CYP51A1: variants seen among roughly 807,000 people sequenced by gnomAD.
CYP51A1 encodes the protein lanosterol 14-alpha demethylase.
In CYP51A1, 45 loss-of-function variants were observed where a neutral mutation model predicts 53.5. That is an observed-to-expected ratio of 0.84 (90% CI 0.66 to 1.08). The LOEUF (loss-of-function observed/expected upper bound fraction) is 1.08, where lower values mean the gene tolerates loss of function less well. Among genes scored for constraint, CYP51A1 ranks in the 50% least tolerant of loss-of-function variants. The pLI is 0.00. For synonymous variants in CYP51A1, 181 were observed against 217.7 expected (o/e 0.83, Z 1.48); for missense variants, 462 against 621.7 (o/e 0.74, Z 2.73).
At chr7:92,128,817 C>T (rs997778025) in intron 3 of CYP51A1, 63 bp downstream of exon 3, 1 of 1,357,628 alleles carries the variant, frequency 7.4e-7, no homozygotes, top group Non-Finnish European at 1.0e-6. Flanking sequence ...TATAATGTCT[C>T]ACTATTAGCT....
chr7:92,129,205 C>T, intron 2 of CYP51A1, 149 bp from the exon 3 acceptor site: 1 of 492,720 alleles, frequency 2.0e-6, no homozygotes, highest in Non-Finnish European at 3.5e-6. Context: ...CCATACTCCT[C>T]CTTCCTTTGT....
Position 92,113,459 on chromosome 7 carries a change from T to C in CYP51A1, c.*206A>G. 1.9e-6 allele frequency: 1 copy of C among 513,718 alleles called. No individual in the cohort carries two copies. The highest frequency in any genetic ancestry group is 3.4e-6 in the Non-Finnish European group (1 of 296,622). The allele number at this position is 513,718 out of a possible 1,614,324, so 31.8% of individuals were successfully genotyped here. A position where few individuals can be genotyped will look rare whatever the true frequency, so the allele number is the denominator to read the frequency against. On this transcript the variant is annotated 3_prime_UTR_variant, in exon 10 of 10. Coordinates refer to ENST00000003100, the MANE Select transcript of CYP51A1 (RefSeq NM_000786.4). The stretch of plus-strand genomic sequence containing the variant: ...AACTTCCTGAAAGCACATGTATAAG[T>C]ATCATAACTATTAGAAAATGTTTCA...
chr7:92,129,614 T>C (rs1819877844), intron 2 of CYP51A1, among the ~76,000 whole-genome samples: 1 of 152,222 alleles, frequency 6.6e-6, no homozygotes, highest in Admixed American at 6.5e-5. Flanking sequence ...TGTTAAATAC[T>C]TTCCCTTGCA....
chr7:92,114,432 CAG>C (rs1354633561), intron 9 of CYP51A1, among the ~76,000 whole-genome samples: 1 of 152,068 alleles, frequency 6.6e-6, no homozygotes, highest in Non-Finnish European at 1.5e-5. Flanking sequence ...AAAGATAAAA[CAG>C]AGTGGTACTA....
At chr7:92,116,991 G>C (rs1292795544) in intron 9 of CYP51A1, 53 bp downstream of exon 9, 4 of 1,501,772 alleles carry the variant, frequency 2.7e-6, no homozygotes, top group South Asian at 1.3e-5. Context: ...TTTTGACAGA[G>C]ACAAATATGT....
intron 5 of CYP51A1, among the ~76,000 whole-genome samples, chr7:92,125,100 T>G (rs546506179): frequency 7.2e-6 from 1 of 138,098 alleles, no homozygotes; most frequent in Non-Finnish European, 1.5e-5. Flanking sequence ...GCCGAGCTCA[T>G]GCCACTGCAC....
chr7:92,128,463 C>T lies in CYP51A1; in HGVS notation c.468+417G>A, dbSNP rs201680328. Among the ~76,000 whole-genome samples, 761 of 115,638 alleles carry T rather than the reference C, an allele frequency of 6.6e-3. 5 individuals are homozygous for T. Among genetic ancestry groups the T allele is most frequent in the South Asian group, 0.018 (70 of 3,830 alleles). The allele number at this position is 115,638 out of a possible 152,430, so 75.9% of individuals were successfully genotyped here. ...GTGTGTGTGTGTGTGTGTGCGCGTGCGTGTGTGTGTGTGTGTTTGGTTTTT... is the reference window on the plus strand; with the variant it reads ...GTGTGTGTGTGTGTGTGTGCGCGTGTGTGTGTGTGTGTGTGTTTGGTTTTT... On this transcript the variant is annotated intron_variant, in intron 3 of 9. Coordinates refer to ENST00000003100, the MANE Select transcript of CYP51A1 (RefSeq NM_000786.4).
Position 92,134,245 on chromosome 7 carries a change from G to A in CYP51A1, c.120C>T (p.Cys40=), listed in dbSNP as rs762382219. Residue 40 remains cysteine (C), a synonymous_variant, in exon 1 of 10, where the codon TGC becomes TGT. Transcript: ENST00000003100. ...GNLLSMLLIA[C]AFTLSLVYLI... ...GGTAGACCAGGCTGAGGGTGAAGGCGCAGGCGATCAGCAGCATGGACAAGA... is the reference window on the plus strand; with the variant it reads ...GGTAGACCAGGCTGAGGGTGAAGGCACAGGCGATCAGCAGCATGGACAAGA... 5.6e-6 allele frequency: 9 copies of A among 1,613,268 alleles called. No individual in the cohort carries two copies. Among genetic ancestry groups the A allele is most frequent in the Middle Eastern group, 1.7e-4 (1 of 6,032 alleles).
At chr7:92,134,619 C>T (rs312262907), upstream of CYP51A1, 518 of 462,288 alleles carry the variant, frequency 1.1e-3, no homozygotes, top group Non-Finnish European at 1.7e-3. Flanking sequence ...CCTGAGGAAG[C>T]GGGCTGCGCC....
intron 9 of CYP51A1, among the ~76,000 whole-genome samples, chr7:92,114,367 GAAAAAGA>G (rs1215857139): frequency 6.6e-6 from 1 of 152,040 alleles, no homozygotes; most frequent in Non-Finnish European, 1.5e-5. Flanking sequence ...AGCAATCTTG[GAAAAAGA>G]ACTGAGTTGG....
Position 92,118,629 on chromosome 7 carries a change from G to C in CYP51A1, c.1087-14C>G, listed in dbSNP as rs184213287. ...TAGATCCTTGAGCTAAAATGAGAAAGCATTTCCTGATTGTTATAAATAACA... is the reference window on the plus strand; with the variant it reads ...TAGATCCTTGAGCTAAAATGAGAAACCATTTCCTGATTGTTATAAATAACA... On this transcript the variant is annotated splice_polypyrimidine_tract_variant and intron_variant, in intron 7 of 9. Coordinates refer to ENST00000003100, the MANE Select transcript of CYP51A1 (RefSeq NM_000786.4). The C allele has an allele frequency of 7.3e-7, 1 of 1,374,842 alleles. No homozygotes were observed. The highest frequency in any genetic ancestry group is 1.0e-6 in the Non-Finnish European group (1 of 962,306). The allele number at this position is 1,374,842 out of a possible 1,614,324, so 85.2% of individuals were successfully genotyped here.
chr7:92,118,498 A>G (rs758606483), intron 8 of CYP51A1, 22 bp downstream of exon 8: 28 of 1,281,224 alleles, frequency 2.2e-5, no homozygotes, highest in Non-Finnish European at 3.1e-5. Context: ...TATAGAGGGG[A>G]AGATGTAGCC....
intron 1 of CYP51A1, 135 bp from the exon 2 acceptor site, chr7:92,132,007 A>G: frequency 3.1e-6 from 2 of 637,990 alleles, no homozygotes; most frequent in Non-Finnish European, 5.7e-6. Context: ...AAAAGGAAGC[A>G]TCAGAAGTAA....
In CYP51A1 at chr7:92,113,310, G is replaced by A. The variant is rs1584627777; in HGVS notation, c.*355C>T. On this transcript the variant is annotated 3_prime_UTR_variant, in exon 10 of 10. Coordinates refer to ENST00000003100, the MANE Select transcript of CYP51A1 (RefSeq NM_000786.4). ...TTTATACCTTGCAGGACTAGTCCAA[G>A]ATTTGAATACCCTGAACTTATTTGG... 5.1e-6 allele frequency: 1 copy of A among 194,306 alleles called. No individual in the cohort carries two copies. Among genetic ancestry groups the A allele is most frequent in the African/African-American group, 2.4e-5 (1 of 41,872 alleles). The allele number at this position is 194,306 out of a possible 1,614,324, so 12.0% of individuals were successfully genotyped here.
Position 92,123,167 on chromosome 7 carries a change from G to T in CYP51A1, c.1039C>A (p.Gln347Lys), listed in dbSNP as rs981295706. The change falls in exon 7 of 10, where the codon CAG becomes AAG. Residue 347 changes from glutamine to lysine, a missense_variant. Gln to Lys is a moderately conservative substitution (Grantham distance 53). Transcript: ENST00000003100. ...KTLQKKCYLE[Q>K]KTVCGENLPP... ...AGATTCTCTCCACAGACTGTTTTCT[G>T]TTCTAAATAACATTTTTTTTGAAGT... The T allele has an allele frequency of 6.8e-6, 11 of 1,613,876 alleles. No homozygotes were observed. Among genetic ancestry groups the T allele is most frequent in the Non-Finnish European group, 9.3e-6 (11 of 1,179,810 alleles).
Position 92,131,845 on chromosome 7 carries a change from T to C in CYP51A1, c.220A>G (p.Ile74Val), listed in dbSNP as rs148197561. The C allele has an allele frequency of 8.8e-5, 141 of 1,599,936 alleles. No individual in the cohort carries two copies. In the African/African-American group the frequency reaches 1.0e-3, roughly 12 times the overall value. ...VKSPPYIFSP[I>V]PFLGHAIAFG... ...GCTATGGCATGCCCAAGGAATGGAA[T>C]TGGGGAGAAAATGTATGGAGGACTT... is the stretch of plus-strand genomic sequence containing the variant. The change falls in exon 2 of 10, where the codon ATT becomes GTT. Residue 74 changes from isoleucine to valine, a missense_variant. Coordinates refer to ENST00000003100, the MANE Select transcript of CYP51A1 (RefSeq NM_000786.4).
intron 9 of CYP51A1, among the ~76,000 whole-genome samples, chr7:92,114,742 A>C (rs1349972681): frequency 6.6e-6 from 1 of 152,226 alleles, no homozygotes; most frequent in Non-Finnish European, 1.5e-5. Context: ...CTAAGCAAAA[A>C]TTTTAAGACA....
chr7:92,123,894 A>G, intron 5 of CYP51A1, 41 bp from the exon 6 acceptor site: 3 of 1,500,348 alleles, frequency 2.0e-6, no homozygotes, highest in Non-Finnish European at 2.7e-6. Flanking sequence ...AAATAAAGAA[A>G]TAACCTTCTA....
intron 1 of CYP51A1, 87 bp downstream of exon 1, chr7:92,134,086 G>A: frequency 7.4e-7 from 1 of 1,355,272 alleles, no homozygotes; most frequent in South Asian, 1.3e-5. Context: ...CACTGAGCCG[G>A]TCGGGGCCAC....
Sources: gnomAD v4.1 joint callset for allele counts (sites outside exome capture counted in the v4.1 genomes callset) on GRCh38, gnomAD v4.1.1 for gene constraint, MANE v1.5 for transcripts, NCBI Gene and HGNC (gene_info 2026-07-23, HGNC 2026-07-21) for gene names.